Variants in BICC1 observed in about 807,000 individuals in gnomAD.
BICC1 encodes the protein BicC family RNA binding protein 1.
A neutral mutation model predicts 111.0 loss-of-function variants in BICC1; 43 were observed. That is an observed-to-expected ratio of 0.39 (90% CI 0.30 to 0.50). BICC1 has a LOEUF of 0.50. Ranked by LOEUF, BICC1 falls within the 20% of genes least tolerant of loss-of-function variation. The probability of loss-of-function intolerance (pLI) is 0.88; values close to 1 mark genes in which losing one functional copy is unlikely to be tolerated. For missense variants in BICC1, 1,091 were observed against 1,203.2 expected, an observed-to-expected ratio of 0.91 and a Z score of 1.38; for synonymous variants, 467 against 434.4, an observed-to-expected ratio of 1.07 and a Z score of -0.93.
At chr10:58,608,053 G>A (rs1845287588) in intron 1 of BICC1, among the ~76,000 whole-genome samples, 1 of 152,112 alleles carries the variant, frequency 6.6e-6, no homozygotes, top group African/African-American at 2.4e-5. Context: ...CTGAAGAAAG[G>A]ACATTTCCTA....
At chr10:58,748,709 G>A (rs929409044) in intron 3 of BICC1, among the ~76,000 whole-genome samples, 4 of 152,032 alleles carry the variant, frequency 2.6e-5, no homozygotes, top group African/African-American at 9.7e-5. Flanking sequence ...TATTGTACTC[G>A]GTCAGTATTT....
At chr10:58,739,120 T>G (rs1464478342) in intron 3 of BICC1, among the ~76,000 whole-genome samples, 2 of 152,198 alleles carry the variant, frequency 1.3e-5, no homozygotes, top group African/African-American at 2.4e-5. Context: ...TCCAACACTA[T>G]GTTGAATGGG....
chr10:58,513,508 C>T (rs1469379517), intron 1 of BICC1, among the ~76,000 whole-genome samples, 175 bp downstream of exon 1: 1 of 152,252 alleles, frequency 6.6e-6, no homozygotes, highest in Non-Finnish European at 1.5e-5. Flanking sequence ...CGCGGGACTC[C>T]CCACCCTTCC....
intron 3 of BICC1, among the ~76,000 whole-genome samples, chr10:58,759,911 A>G (rs980552907): frequency 6.6e-6 from 1 of 151,356 alleles, no homozygotes; most frequent in Non-Finnish European, 1.5e-5. Flanking sequence ...GTGAGCCGAG[A>G]TCGCGCTACC....
Position 58,638,317 on chromosome 10 carries a change from TA to T in BICC1, c.237+17425del, listed in dbSNP as rs561352548. 1.6e-3 allele frequency among the ~76,000 whole-genome samples: 246 copies of T among 150,566 alleles called. 2 individuals are homozygous for T. Among genetic ancestry groups the T allele is most frequent in the African/African-American group, 4.7e-3 (195 of 41,084 alleles). On this transcript the variant is annotated intron_variant, in intron 2 of 20. Transcript: ENST00000373886. Reference sequence around the variant, plus strand: ...ACTTTATGGTAAGTAATTACAGAGTTAAAAAAAAAGGCCATTTGAAAAAAAC... The same window carrying T: ...ACTTTATGGTAAGTAATTACAGAGTTAAAAAAAAGGCCATTTGAAAAAAAC...
chr10:58,552,180 T>G (rs1345171933), intron 1 of BICC1, among the ~76,000 whole-genome samples: 1 of 151,954 alleles, frequency 6.6e-6, no homozygotes, highest in African/African-American at 2.4e-5. Context: ...CTTAACTTCT[T>G]GGTTACCTAC....
chr10:58,687,625 T>A (rs559755894), intron 2 of BICC1, among the ~76,000 whole-genome samples: 1 of 152,328 alleles, frequency 6.6e-6, no homozygotes, highest in South Asian at 2.1e-4. Context: ...CAGACTGCTG[T>A]GCTGGCAGTG....
At chr10:58,688,472 C>A (rs938281508) in intron 2 of BICC1, among the ~76,000 whole-genome samples, 8 of 151,938 alleles carry the variant, frequency 5.3e-5, no homozygotes, top group Admixed American at 3.3e-4. Context: ...TTCTCCAAGT[C>A]CCCCCCTGAC....
chr10:58,653,575 A>G (rs987020635), intron 2 of BICC1, among the ~76,000 whole-genome samples: 12 of 152,190 alleles, frequency 7.9e-5, no homozygotes, highest in Admixed American at 5.2e-4. Flanking sequence ...AAAATAGTTC[A>G]ACATGGAAAA....
intron 8 of BICC1, among the ~76,000 whole-genome samples, chr10:58,790,653 C>G (rs1843149124): frequency 6.6e-6 from 1 of 151,984 alleles, no homozygotes; most frequent in African/African-American, 2.4e-5. Context: ...TAGTGAAACC[C>G]CATTTCTACT....
chr10:58,543,933 T>G (rs1185103578), intron 1 of BICC1, among the ~76,000 whole-genome samples: 1 of 151,938 alleles, frequency 6.6e-6, no homozygotes, highest in Non-Finnish European at 1.5e-5. Context: ...CATGATCTTT[T>G]AGAAACTACT....
intron 1 of BICC1, among the ~76,000 whole-genome samples, chr10:58,517,745 A>G (rs949836517): frequency 1.3e-5 from 2 of 152,182 alleles, no homozygotes; most frequent in African/African-American, 2.4e-5. Flanking sequence ...CATTTCTCAA[A>G]TGGGGCAGTT....
chr10:58,593,470 C>T (rs1217529411), intron 1 of BICC1, among the ~76,000 whole-genome samples: 2 of 152,186 alleles, frequency 1.3e-5, no homozygotes, highest in Non-Finnish European at 2.9e-5. Context: ...TAGGGGCCGA[C>T]AGACACCTTA....
At chr10:58,715,681 A>G in intron 3 of BICC1, 1 of 1,596,410 alleles carries the variant, frequency 6.3e-7, no homozygotes, top group Non-Finnish European at 8.6e-7. Flanking sequence ...ACCTGGGAAG[A>G]AGTAAAAGAG....
intron 1 of BICC1, among the ~76,000 whole-genome samples, chr10:58,573,427 T>C (rs1699570312): frequency 2.0e-5 from 3 of 152,150 alleles, no homozygotes; most frequent in Admixed American, 2.0e-4. Context: ...CAGTGCTGGA[T>C]AAGAAGGAAT....
intron 1 of BICC1, among the ~76,000 whole-genome samples, chr10:58,536,919 G>A (rs1012358594): frequency 2.6e-4 from 39 of 151,638 alleles, no homozygotes; most frequent in African/African-American, 9.4e-4. Flanking sequence ...ATTACTATGA[G>A]CACCTCTATG....
intron 3 of BICC1, 41 bp from the exon 4 acceptor site, chr10:58,784,960 G>A (rs774695094): frequency 9.7e-6 from 11 of 1,130,448 alleles, no homozygotes; most frequent in East Asian, 7.3e-5. Flanking sequence ...TTTAAACAGA[G>A]TTTGGGAGTT....
At chr10:58,643,732 C>G (rs952353572) in intron 2 of BICC1, among the ~76,000 whole-genome samples, 2 of 152,316 alleles carry the variant, frequency 1.3e-5, no homozygotes, top group African/African-American at 4.8e-5. Context: ...AGGATCTGAG[C>G]TTCCTCCATG....
chr10:58,595,494 A>G (rs1263048482), intron 1 of BICC1, among the ~76,000 whole-genome samples: 4 of 152,226 alleles, frequency 2.6e-5, no homozygotes, highest in Non-Finnish European at 5.9e-5. Flanking sequence ...ATGCAAAAGA[A>G]TGGAAATCAT....
Sources: allele counts gnomAD v4.1 joint callset (sites outside exome capture counted in the v4.1 genomes callset), GRCh38; gene constraint gnomAD v4.1.1; transcripts MANE v1.5; gene names NCBI Gene and HGNC (gene_info 2026-07-23, HGNC 2026-07-21).